The following ARHGEF10 variants were observed in gnomAD, a reference collection of about 807,000 sequenced individuals.
The protein encoded by ARHGEF10 is Rho guanine nucleotide exchange factor 10, also known as Rho guanine nucleotide exchange factor (GEF) 10.
A neutral mutation model predicts 147.4 loss-of-function variants in ARHGEF10; 140 were observed. That is an observed-to-expected ratio of 0.95 (90% confidence interval 0.83 to 1.09). The LOEUF (loss-of-function observed/expected upper bound fraction) is 1.09, where lower values mean the gene tolerates loss of function less well. Ranked by LOEUF, ARHGEF10 falls within the 50% of genes least tolerant of loss-of-function variation. The probability of loss-of-function intolerance (pLI) is 0.00; values close to 1 mark genes in which losing one functional copy is unlikely to be tolerated. For synonymous variants in ARHGEF10, 902 were observed against 695.8 expected, an observed-to-expected ratio of 1.30 and a Z score of -4.67; for missense variants, 2,222 against 1,752.7, an observed-to-expected ratio of 1.27 and a Z score of -4.78.
In ARHGEF10 at chr8:1,869,261, G is replaced by A. The variant is rs1205523942; in HGVS notation, c.679+11G>A. On this transcript the variant is annotated intron_variant, in intron 7 of 28. Transcript: ENST00000349830. ...CAGACTCTGAACCAGGTTTGATTTT[G>A]TCTGGAATTGATTTGAGGAGATTCA... 1.2e-6 allele frequency: 2 copies of A among 1,612,670 alleles called. No homozygotes were observed. The highest frequency in any genetic ancestry group is 2.2e-5 in the East Asian group (1 of 44,864).
intron 7 of ARHGEF10, chr8:1,870,440 G>A (rs1807017349): frequency 1.3e-5 from 2 of 152,064 alleles, no homozygotes; most frequent in Admixed American, 6.5e-5. Flanking sequence ...ATATTGGTAC[G>A]CATAGTAAAG....
intron 11 of ARHGEF10, among the ~76,000 whole-genome samples, chr8:1,893,080 G>C (rs1269826351): frequency 1.3e-5 from 1 of 77,180 alleles, no homozygotes; most frequent in Admixed American, 1.8e-4. Context: ...TTGGATGGTT[G>C]AAAGATCTTT....
At chr8:1,922,737 CAT>C (rs1812392701) in intron 18 of ARHGEF10, among the ~76,000 whole-genome samples, 2 of 152,158 alleles carry the variant, frequency 1.3e-5, no homozygotes, top group African/African-American at 4.8e-5. Context: ...CAGGCCTGGG[CAT>C]TCAGGAGGCA....
At chr8:1,854,442 G>A (rs936031463) in intron 2 of ARHGEF10, among the ~76,000 whole-genome samples, 2 of 152,190 alleles carry the variant, frequency 1.3e-5, no homozygotes, top group South Asian at 2.1e-4. Flanking sequence ...TTTCTTACTG[G>A]AACTGAATTC....
intron 7 of ARHGEF10, among the ~76,000 whole-genome samples, chr8:1,873,275 C>A (rs916490673): frequency 7.9e-5 from 12 of 152,170 alleles, no homozygotes; most frequent in Non-Finnish European, 1.6e-4. Context: ...AGGAGGGCAC[C>A]GTGCAGAAGT....
intron 18 of ARHGEF10, 60 bp from the exon 19 acceptor site, chr8:1,922,904 A>G: frequency 8.4e-7 from 1 of 1,190,890 alleles, no homozygotes; most frequent in African/African-American, 1.5e-5. Flanking sequence ...TCCCTCAAGT[A>G]TTGGAGTAAA....
chr8:1,954,141 C>T (rs1038583824), intron 28 of ARHGEF10, among the ~76,000 whole-genome samples: 15 of 152,040 alleles, frequency 9.9e-5, no homozygotes, highest in Middle Eastern at 3.4e-3. Flanking sequence ...GCACCCAGGA[C>T]GGAGTCCAGT....
At chr8:1,850,977 G>A (rs746872530) in intron 2 of ARHGEF10, among the ~76,000 whole-genome samples, 16 of 151,772 alleles carry the variant, frequency 1.1e-4, no homozygotes, top group Non-Finnish European at 1.6e-4. Flanking sequence ...TTCCAACCAC[G>A]TGACATTCTA....
intron 2 of ARHGEF10, among the ~76,000 whole-genome samples, chr8:1,847,316 G>A (rs894026774): frequency 1.3e-5 from 2 of 152,202 alleles, no homozygotes; most frequent in Non-Finnish European, 2.9e-5. Flanking sequence ...CATTTATGAA[G>A]TACTTAGACC....
chr8:1,861,944 ATAACT>A (rs1485526736), intron 4 of ARHGEF10, among the ~76,000 whole-genome samples: 3 of 152,268 alleles, frequency 2.0e-5, no homozygotes, highest in Non-Finnish European at 2.9e-5. Flanking sequence ...TATTTTTAAA[ATAACT>A]TAGCATGAAT....
At chr8:1,872,533 T>C (rs1807216004) in intron 7 of ARHGEF10, among the ~76,000 whole-genome samples, 1 of 152,248 alleles carries the variant, frequency 6.6e-6, no homozygotes, top group Admixed American at 6.5e-5. Flanking sequence ...GAGCCTGTTT[T>C]AACCTTTTAC....
intron 5 of ARHGEF10, among the ~76,000 whole-genome samples, chr8:1,865,134 G>T (rs1806474096): frequency 6.6e-6 from 1 of 152,220 alleles, no homozygotes; most frequent in African/African-American, 2.4e-5. Flanking sequence ...TACCTTTTTA[G>T]GTAACTTTTT....
intron 7 of ARHGEF10, 148 bp from the exon 8 acceptor site, chr8:1,876,423 C>T: frequency 1.2e-6 from 1 of 839,214 alleles, no homozygotes; most frequent in East Asian, 2.6e-5. Context: ...TTCCATGGAG[C>T]AAGCCCGGGG....
intron 23 of ARHGEF10, chr8:1,927,260 A>C (rs1297222448): frequency 1.3e-5 from 2 of 152,688 alleles, no homozygotes; most frequent in Non-Finnish European, 2.9e-5. Context: ...TCATGGCTGA[A>C]GCTTCATCAC....
intron 2 of ARHGEF10, among the ~76,000 whole-genome samples, chr8:1,848,389 C>T (rs1052206644): frequency 4.6e-5 from 7 of 152,138 alleles, no homozygotes; most frequent in African/African-American, 9.7e-5. Flanking sequence ...CTCAGCTCTC[C>T]GACTCCAGAA....
intron 1 of ARHGEF10, among the ~76,000 whole-genome samples, chr8:1,827,412 A>T (rs1038032612): frequency 4.6e-5 from 7 of 152,140 alleles, no homozygotes; most frequent in African/African-American, 1.4e-4. Flanking sequence ...AGGTTCAAGC[A>T]ATTCTCCTGC....
chr8:1,951,608 A>G (rs946080926), intron 27 of ARHGEF10, among the ~76,000 whole-genome samples: 2 of 152,210 alleles, frequency 1.3e-5, no homozygotes, highest in Non-Finnish European at 2.9e-5. Flanking sequence ...ACTTTGGGTC[A>G]AATGCAGGGA....
chr8:1,866,434 CA>C, intron 5 of ARHGEF10, 91 bp from the exon 6 acceptor site: 1 of 973,546 alleles, frequency 1.0e-6, no homozygotes, highest in Non-Finnish European at 1.7e-6. Flanking sequence ...CACACACACA[CA>C]CACACACACA....
intron 26 of ARHGEF10, among the ~76,000 whole-genome samples, chr8:1,942,229 A>G (rs9650470): frequency 0.18 from 26,757 of 148,398 alleles, 2,386 homozygotes; most frequent in Admixed American, 0.21. Flanking sequence ...AGAAGGATCT[A>G]GTATGCAGAG....
Sources: allele counts gnomAD v4.1 joint callset (sites outside exome capture counted in the v4.1 genomes callset), GRCh38; gene constraint gnomAD v4.1.1; transcripts MANE v1.5; gene names NCBI Gene and HGNC (gene_info 2026-07-23, HGNC 2026-07-21).